The following UACA variants were observed in gnomAD, a reference collection of about 807,000 sequenced individuals.
UACA encodes the protein nuclear membrane binding protein.
UACA carries 112 observed loss-of-function variants against 160.5 expected under a neutral mutation model. That is an observed-to-expected ratio of 0.70 (90% CI 0.60 to 0.82). The LOEUF is 0.82. Among genes scored for constraint, UACA ranks in the 40% least tolerant of loss-of-function variants. The pLI, the probability that UACA is intolerant of heterozygous loss-of-function variation, is 0.00. For missense variants in UACA, 1,574 were observed against 1,614.6 expected (o/e 0.97, Z 0.43); for synonymous variants, 557 against 568.4 (o/e 0.98, Z 0.29).
At chr15:70,705,267 G>A (rs946289997) in intron 1 of UACA, among the ~76,000 whole-genome samples, 10 of 152,234 alleles carry the variant, frequency 6.6e-5, no homozygotes, top group East Asian at 1.9e-4. Context: ...GGTGGCTCAC[G>A]TCTGTAATCC....
chr15:70,739,017 A>G (rs561476981), intron 1 of UACA, among the ~76,000 whole-genome samples: 5 of 152,204 alleles, frequency 3.3e-5, no homozygotes, highest in Non-Finnish European at 7.3e-5. Flanking sequence ...AACACATTCT[A>G]TTGTTCAAAG....
the UACA span, chr15:70,778,814 T>A: frequency 1.3e-5 from 2 of 152,252 alleles, no homozygotes; most frequent in African/African-American, 4.8e-5. Context: ...GCCATTTGTC[T>A]ACTGCATTCC....
intron 1 of UACA, among the ~76,000 whole-genome samples, chr15:70,744,751 T>C (rs772316173): frequency 3.9e-5 from 6 of 152,198 alleles, no homozygotes; most frequent in Non-Finnish European, 5.9e-5. Context: ...TTACAACTTA[T>C]ATAATGGCAA....
chr15:70,742,195 A>G (rs898952332), intron 1 of UACA, among the ~76,000 whole-genome samples: 6 of 152,232 alleles, frequency 3.9e-5, no homozygotes, highest in Non-Finnish European at 8.8e-5. Context: ...TAACATGGTT[A>G]TAAGTAATAA....
intron 3 of UACA, 78 bp from the exon 4 acceptor site, chr15:70,691,441 T>C: frequency 3.6e-6 from 4 of 1,107,080 alleles, no homozygotes; most frequent in Non-Finnish European, 5.3e-6. Flanking sequence ...AATATGATTC[T>C]TTTTTCCCAA....
intron 1 of UACA, among the ~76,000 whole-genome samples, chr15:70,721,910 C>T (rs1899005082): frequency 6.6e-6 from 1 of 152,134 alleles, no homozygotes; most frequent in Non-Finnish European, 1.5e-5. Flanking sequence ...AAAGTGGTTA[C>T]CTGATTTTAT....
Position 70,687,784 on chromosome 15 carries a change from C to A in UACA, c.461G>T (p.Cys154Phe). The part of the protein sequence containing the change: ...ADCPSSIQLL[C>F]DHGASVNAKD... ...GGCATTCACAGAGGCCCCATGGTCACAAAGCAGCTGTATGCTAGAAGGACA... is the reference window on the plus strand; with the variant it reads ...GGCATTCACAGAGGCCCCATGGTCAAAAAGCAGCTGTATGCTAGAAGGACA... Residue 154 changes from cysteine to phenylalanine, a missense_variant, in exon 6 of 19, where the codon TGT becomes TTT. Coordinates refer to ENST00000322954, the MANE Select transcript of UACA (RefSeq NM_018003.4). The A allele has an allele frequency of 6.2e-7, 1 of 1,613,754 alleles. No homozygotes were observed. Among genetic ancestry groups the A allele is most frequent in the East Asian group, 2.2e-5 (1 of 44,866 alleles).
At position 70,656,053 on chromosome 15, in the gene UACA, C is replaced by G. The variant is rs1426707858; in HGVS notation, c.*1003G>C. The G allele has an allele frequency of 1.3e-5, 2 of 152,120 alleles. No individual in the cohort carries two copies. The highest frequency in any genetic ancestry group is 2.9e-5 in the Non-Finnish European group (2 of 68,002). 9.4% of individuals were successfully genotyped at this position (152,120 alleles called of 1,614,324 possible). A position where few individuals can be genotyped will look rare whatever the true frequency, so the allele number is the denominator to read the frequency against. Reference sequence around the variant, plus strand: ...GTTATTTTATTGCTATCTATATACTCTTTCAGTTTACTGTATTACTGTACT... The same window carrying G: ...GTTATTTTATTGCTATCTATATACTGTTTCAGTTTACTGTATTACTGTACT... On this transcript the variant is annotated 3_prime_UTR_variant, in exon 19 of 19. Coordinates refer to ENST00000322954, the MANE Select transcript of UACA (RefSeq NM_018003.4).
intron 18 of UACA, among the ~76,000 whole-genome samples, chr15:70,659,757 C>T (rs1254617422): frequency 6.6e-6 from 1 of 152,044 alleles, no homozygotes; most frequent in African/African-American, 2.4e-5. Context: ...ATCCTATACA[C>T]ATAACACCCT....
intron 3 of UACA, 127 bp downstream of exon 3, chr15:70,694,890 T>G: frequency 1.3e-6 from 1 of 799,564 alleles, no homozygotes; most frequent in Non-Finnish European, 2.1e-6. Context: ...CTTTCTCAAC[T>G]ATTTTAAAAA....
At chr15:70,700,168 T>C (rs1368944497) in intron 1 of UACA, among the ~76,000 whole-genome samples, 1 of 151,946 alleles carries the variant, frequency 6.6e-6, no homozygotes, top group East Asian at 1.9e-4. Flanking sequence ...ACTTTTAGAT[T>C]TGGCTCTGGT....
intron 1 of UACA, among the ~76,000 whole-genome samples, chr15:70,724,892 C>A (rs1322894116): frequency 6.8e-6 from 1 of 148,132 alleles, no homozygotes; most frequent in East Asian, 2.0e-4. Context: ...AGACCAGCCT[C>A]AGCAACATAG....
At chr15:70,751,931 T>C (rs2030088451) in intron 1 of UACA, among the ~76,000 whole-genome samples, 2 of 152,092 alleles carry the variant, frequency 1.3e-5, no homozygotes, top group Admixed American at 1.3e-4. Context: ...AAAAAGGATT[T>C]GTCATTTAAA....
intron 15 of UACA, 95 bp downstream of exon 15, chr15:70,670,944 T>C (rs1391864152): frequency 1.5e-6 from 1 of 650,528 alleles, no homozygotes; most frequent in South Asian, 3.2e-5. Context: ...TATGTATATA[T>C]ACTTAATGTA....
At chr15:70,662,727 T>A (rs528737758) in intron 17 of UACA, among the ~76,000 whole-genome samples, 1 of 152,194 alleles carries the variant, frequency 6.6e-6, no homozygotes, top group Non-Finnish European at 1.5e-5. Flanking sequence ...AACTATCTGA[T>A]CTTTGACAAA....
In UACA at chr15:70,667,934, T is replaced by C. The variant is rs770471453; in HGVS notation, c.2750A>G (p.Gln917Arg). Residue 917 changes from glutamine to arginine, a missense_variant, in exon 16 of 19, where the codon CAA becomes CGA. Gln to Arg is a conservative substitution (Grantham distance 43, BLOSUM62 1). Transcript: ENST00000322954. ...CAGGCTGATGTACTCAGCTTTTATT[T>C]GGTTCTGAGTGTTTTCCAGGTTTCT... is the stretch of plus-strand genomic sequence containing the variant. ...LKRNLENTQNQIKAEYISLAE... is the reference protein window; with the variant it reads ...LKRNLENTQNRIKAEYISLAE... 1 of 1,612,984 alleles carries C rather than the reference T, an allele frequency of 6.2e-7. No homozygotes were observed. Among genetic ancestry groups the C allele is most frequent in the Non-Finnish European group, 8.5e-7 (1 of 1,179,634 alleles).
chr15:70,660,959 T>A (rs1337347129), intron 17 of UACA: 1 of 152,214 alleles, frequency 6.6e-6, no homozygotes, highest in Non-Finnish European at 1.5e-5. Context: ...ACATAGCTTA[T>A]ATAGGGTTCA....
intron 1 of UACA, chr15:70,754,207 C>A (rs1380369121): frequency 2.2e-6 from 1 of 454,910 alleles, no homozygotes; most frequent in African/African-American, 2.0e-5. Flanking sequence ...GATACCTGGC[C>A]AGGTCCCATT....
intron 13 of UACA, among the ~76,000 whole-genome samples, chr15:70,673,891 T>C (rs1897222077): frequency 6.6e-6 from 1 of 152,224 alleles, no homozygotes; most frequent in South Asian, 2.1e-4. Context: ...AGACAGGGTC[T>C]CACTCTGTTA....
Sources: allele counts gnomAD v4.1 joint callset (sites outside exome capture counted in the v4.1 genomes callset), GRCh38; gene constraint gnomAD v4.1.1; transcripts MANE v1.5; gene names NCBI Gene and HGNC (gene_info 2026-07-23, HGNC 2026-07-21).